Variants in LRRC47 observed in about 807,000 individuals in gnomAD.
LRRC47 encodes the protein leucine rich repeat containing 47.
LRRC47 carries 31 observed loss-of-function variants against 40.9 expected under a neutral mutation model. The ratio of observed to expected loss-of-function variants is 0.76; its 90% CI spans 0.57 to 1.02. LRRC47 has a LOEUF of 1.02. LRRC47 is among the 50% of genes least tolerant of loss of function. The pLI is 0.00. For missense variants in LRRC47, 726 were observed against 796.1 expected (o/e 0.91, Z 1.06); for synonymous variants, 427 against 371.9 (o/e 1.15, Z -1.70).
At chr1:3,784,474 C>T (rs761261718) in intron 3 of LRRC47, among the ~76,000 whole-genome samples, 9 of 152,166 alleles carry the variant, frequency 5.9e-5, no homozygotes, top group Non-Finnish European at 1.2e-4. Flanking sequence ...CAGGACAGCA[C>T]GACACAGCAA....
At chr1:3,794,275 C>A (rs1430081820) in intron 1 of LRRC47, among the ~76,000 whole-genome samples, 2 of 152,208 alleles carry the variant, frequency 1.3e-5, no homozygotes, top group African/African-American at 4.8e-5. Context: ...CTATTGCAAC[C>A]CTCCTGCCCT....
chr1:3,781,105 C>T lies in LRRC47; in HGVS notation c.1735G>A (p.Val579Met), dbSNP rs145521876. 28 of 1,613,792 alleles carry T rather than the reference C, an allele frequency of 1.7e-5. No homozygotes were observed. The highest frequency in any genetic ancestry group is 6.7e-5 in the East Asian group (3 of 44,894). The change falls in exon 7 of 7, where the codon GTG (valine) becomes ATG (methionine). Residue 579 changes from valine (V) to methionine (M), a missense_variant. Val to Met is a conservative substitution (Grantham distance 21). Transcript: ENST00000378251. ...CCCTGGCGTCAGCGCACGACAGTCA[C>T]GTGGGGAGGGGCAGTGGCCAGGTCG... ...KADLATAPPH[V>M]TVVR
chr1:3,782,204 T>A (rs925384131), intron 5 of LRRC47, among the ~76,000 whole-genome samples: 4 of 152,074 alleles, frequency 2.6e-5, no homozygotes, highest in African/African-American at 9.7e-5. Flanking sequence ...GTTAATTCTT[T>A]TTCTTTCTTC....
intron 1 of LRRC47, among the ~76,000 whole-genome samples, chr1:3,793,411 T>C (rs547850942): frequency 2.4e-4 from 37 of 152,288 alleles, no homozygotes; most frequent in African/African-American, 7.7e-4. Context: ...TACCTTTAAT[T>C]ATTCCTGGGC....
At position 3,786,651 on chromosome 1, in the gene LRRC47, AC is replaced by A. The variant is rs1026430117; in HGVS notation, c.1077+197del. 5.9e-5 allele frequency among the ~76,000 whole-genome samples: 9 copies of A among 152,134 alleles called. No individual in the cohort carries two copies. The South Asian group carries it at 6.2e-4, about 11-fold the overall frequency. On this transcript the variant is annotated intron_variant, in intron 2 of 6. Coordinates refer to ENST00000378251, the MANE Select transcript of LRRC47 (RefSeq NM_020710.3). The stretch of plus-strand genomic sequence containing the variant: ...GCCTCCCGGAGGGGACTGAGGCCTT[AC>A]CCCCTCCTCAGCAACACCTGAGCCA...
intron 1 of LRRC47, among the ~76,000 whole-genome samples, chr1:3,789,435 G>T (rs78672368): frequency 3.7e-4 from 57 of 152,392 alleles, no homozygotes; most frequent in African/African-American, 1.4e-3. Flanking sequence ...ACGCAGTGCG[G>T]CGTCTCCCTC....
In LRRC47 at chr1:3,796,209, C is replaced by T; in HGVS notation, c.268G>A (p.Gly90Ser). The stretch of plus-strand genomic sequence containing the variant: ...AGCGGCCCGAGCTCGGGGCTCAGGC[C>T]GGGCCCCAGCGCGTTGCGCCGCAGC... ...LVLRRNALGP[G>S]LSPELGPLPA... Residue 90 changes from glycine (G) to serine (S), a missense_variant, in exon 1 of 7, where the codon GGC becomes AGC. Physicochemically the swap from Gly to Ser is moderately conservative, Grantham distance 56. Transcript: ENST00000378251. 7.0e-7 allele frequency: 1 copy of T among 1,430,626 alleles called. No individual in the cohort carries two copies. The allele number at this position is 1,430,626 out of a possible 1,614,324, so 88.6% of individuals were successfully genotyped here. A position where few individuals can be genotyped will look rare whatever the true frequency, so the allele number is the denominator to read the frequency against.
chr1:3,788,322 C>T (rs1643596092), intron 1 of LRRC47, among the ~76,000 whole-genome samples: 1 of 152,220 alleles, frequency 6.6e-6, no homozygotes, highest in African/African-American at 2.4e-5. Flanking sequence ...AGACCCTGCT[C>T]AGGATGCAAA....
At position 3,796,212 on chromosome 1, in the gene LRRC47, G is replaced by GC; in HGVS notation, c.264dup (p.Pro89AlafsTer95). The GC allele has an allele frequency of 7.0e-7, 1 of 1,429,394 alleles. No individual in the cohort carries two copies. Among genetic ancestry groups the GC allele is most frequent in the Non-Finnish European group, 9.1e-7 (1 of 1,099,282 alleles). 88.5% of individuals were successfully genotyped at this position (1,429,394 alleles called of 1,614,324 possible). A position where few individuals can be genotyped will look rare whatever the true frequency, so the allele number is the denominator to read the frequency against. On this transcript the variant is annotated frameshift_variant, in exon 1 of 7. Transcript: ENST00000378251. LOFTEE classifies it high-confidence loss of function. Reference sequence around the variant, plus strand: ...GGCCCGAGCTCGGGGCTCAGGCCGGGCCCCAGCGCGTTGCGCCGCAGCACG... The same window carrying GC: ...GGCCCGAGCTCGGGGCTCAGGCCGGGCCCCCAGCGCGTTGCGCCGCAGCACG...
chr1:3,788,816 C>T (rs907604105), intron 1 of LRRC47, among the ~76,000 whole-genome samples: 14 of 152,078 alleles, frequency 9.2e-5, no homozygotes, highest in South Asian at 2.1e-4. Context: ...GCAGGAACAG[C>T]ATGTGTAAAA....
At chr1:3,786,784 G>A (rs1643578328) in intron 2 of LRRC47, 65 bp downstream of exon 2, 3 of 1,432,716 alleles carry the variant, frequency 2.1e-6, no homozygotes, top group East Asian at 2.5e-5. Flanking sequence ...GCCTCAGGAT[G>A]TGTCCCAGCT....
chr1:3,788,621 C>G (rs1258842846), intron 1 of LRRC47, among the ~76,000 whole-genome samples: 1 of 152,092 alleles, frequency 6.6e-6, no homozygotes, highest in African/African-American at 2.4e-5. Flanking sequence ...AAAAAAGGAA[C>G]CTGCTGGAAT....
In LRRC47 at chr1:3,780,208, T is replaced by G. The variant is rs1447226769; in HGVS notation, c.*880A>C. ...CGCTGCTGTGTGATCACAGAGTCTT[T>G]ACACAAGCCTCGATGGTGCATGTAG... On this transcript the variant is annotated 3_prime_UTR_variant, in exon 7 of 7. Transcript: ENST00000378251. The G allele has an allele frequency of 3.3e-5, 5 of 150,130 alleles. No homozygotes were observed. Among genetic ancestry groups the G allele is most frequent in the African/African-American group, 1.2e-4 (5 of 40,622 alleles). 9.3% of individuals were successfully genotyped at this position (150,130 alleles called of 1,614,324 possible). A position where few individuals can be genotyped will look rare whatever the true frequency, so the allele number is the denominator to read the frequency against.
rs35938957 is a variant in LRRC47, at chr1:3,778,997, T to C, written c.*2091A>G. 8 of 152,376 alleles carry C rather than the reference T, an allele frequency of 5.3e-5. No individual in the cohort carries two copies. Among genetic ancestry groups the C allele is most frequent in the African/African-American group, 1.9e-4 (8 of 41,456 alleles). 9.4% of individuals were successfully genotyped at this position (152,376 alleles called of 1,614,324 possible). A position where few individuals can be genotyped will look rare whatever the true frequency, so the allele number is the denominator to read the frequency against. ...GGCCAACTGTGGCATCTGCCTTGAC[T>C]GCCCAGAGCAGCAGGAATCAGGTTT... On this transcript the variant is annotated 3_prime_UTR_variant, in exon 7 of 7. Coordinates refer to ENST00000378251, the MANE Select transcript of LRRC47 (RefSeq NM_020710.3).
At position 3,782,537 on chromosome 1, in the gene LRRC47, G is replaced by A. The variant is rs553729326; in HGVS notation, c.1413+124C>T. ...TTGAACTCCTGACCTCAGGTGATCCGCCCACCTCGGTCTCCCAAAATGCTG... is the reference window on the plus strand; with the variant it reads ...TTGAACTCCTGACCTCAGGTGATCCACCCACCTCGGTCTCCCAAAATGCTG... On this transcript the variant is annotated intron_variant, in intron 5 of 6. Transcript: ENST00000378251. 45 of 669,796 alleles carry A rather than the reference G, an allele frequency of 6.7e-5. No homozygotes were observed. The Middle Eastern group carries it at 1.1e-3, about 16-fold the overall frequency. 41.5% of individuals were successfully genotyped at this position (669,796 alleles called of 1,614,324 possible).
In LRRC47 at chr1:3,778,641, A is replaced by C. The variant is rs1194058558; in HGVS notation, c.*2447T>G. 6.5e-6 allele frequency: 1 copy of C among 153,566 alleles called. No homozygotes were observed. Among genetic ancestry groups the C allele is most frequent in the African/African-American group, 2.4e-5 (1 of 41,488 alleles). 9.5% of individuals were successfully genotyped at this position (153,566 alleles called of 1,614,324 possible). ...TCAGAGACACCTGTGCTGCGAGTTA[A>C]ATACATTTCCAGCATCTCACGCATC... On this transcript the variant is annotated 3_prime_UTR_variant, in exon 7 of 7. Coordinates refer to ENST00000378251, the MANE Select transcript of LRRC47 (RefSeq NM_020710.3).
chr1:3,793,823 C>A (rs775743307), intron 1 of LRRC47, among the ~76,000 whole-genome samples: 34 of 152,176 alleles, frequency 2.2e-4, no homozygotes, highest in Admixed American at 8.5e-4. Context: ...GCAGCAAGCA[C>A]CCGTTGCCTA....
intron 1 of LRRC47, among the ~76,000 whole-genome samples, chr1:3,788,415 G>A (rs1289226827): frequency 5.3e-5 from 8 of 152,236 alleles, no homozygotes; most frequent in Admixed American, 5.2e-4. Flanking sequence ...CCCCCTGGAA[G>A]CCAGCACTCG....
At chr1:3,783,747 G>T in intron 4 of LRRC47, 1 of 501,506 alleles carries the variant, frequency 2.0e-6, no homozygotes, top group Non-Finnish European at 3.6e-6. Context: ...AGGGCCACCC[G>T]CCCCCTGTGG....
Sources: gnomAD v4.1 joint callset for allele counts (sites outside exome capture counted in the v4.1 genomes callset) on GRCh38, gnomAD v4.1.1 for gene constraint, MANE v1.5 for transcripts, NCBI Gene and HGNC (gene_info 2026-07-23, HGNC 2026-07-21) for gene names.